Variants in HGF observed in about 807,000 individuals in gnomAD.
The protein encoded by HGF is hepatocyte growth factor.
Under a neutral mutation model 111.6 loss-of-function variants are expected in HGF, and 39 were observed. The ratio of observed to expected loss-of-function variants is 0.35; its 90% CI spans 0.27 to 0.46. The LOEUF is 0.46. Among genes scored for constraint, HGF ranks in the 20% least tolerant of loss-of-function variants. The pLI, the probability that HGF is intolerant of heterozygous loss-of-function variation, is 1.00. For missense variants in HGF, 735 were observed against 910.5 expected, an observed-to-expected ratio of 0.81 and a Z score of 2.48; for synonymous variants, 285 against 294.8, an observed-to-expected ratio of 0.97 and a Z score of 0.34.
rs1205959773 is a variant in HGF, at chr7:81,744,986, C to A, written c.746+14G>T. 2 of 1,613,264 alleles carry A rather than the reference C, an allele frequency of 1.2e-6. No individual in the cohort carries two copies. Among genetic ancestry groups the A allele is most frequent in the African/African-American group, 1.3e-5 (1 of 74,880 alleles). ...TAAAAGAATCACTGAAAGCATGATTCATTAATATTTTACCTTTCAGGCAAG... is the reference window on the plus strand; with the variant it reads ...TAAAAGAATCACTGAAAGCATGATTAATTAATATTTTACCTTTCAGGCAAG... On this transcript the variant is annotated intron_variant, in intron 6 of 17. Transcript: ENST00000222390.
intron 10 of HGF, among the ~76,000 whole-genome samples, chr7:81,717,969 A>G (rs1789758092): frequency 4.6e-5 from 7 of 152,152 alleles, no homozygotes; most frequent in Admixed American, 4.6e-4. Context: ...AGAAAAGCAA[A>G]GATTGTAAAT....
In HGF at chr7:81,762,842, T is replaced by C; in HGVS notation, c.119A>G (p.His40Arg). 6.3e-7 allele frequency: 1 copy of C among 1,583,842 alleles called. No homozygotes were observed. Among genetic ancestry groups the C allele is most frequent in the South Asian group, 1.1e-5 (1 of 90,392 alleles). Reference protein sequence around the residue: ...EGQRKRRNTIHEFKKSAKTTL... With the variant: ...EGQRKRRNTIREFKKSAKTTL... ...AGTCTTTGCTGATTTTTTGAATTCA[T>C]GAATTGTATTTCTTCTTTTCCTTTG... Residue 40 changes from histidine (H) to arginine (R), a missense_variant, in exon 2 of 18, where the codon CAT becomes CGT. This residue lies in a region of HGF where 553 missense variants were observed against 685.6 expected (regional missense o/e 0.81). Transcript: ENST00000222390.
intron 7 of HGF, among the ~76,000 whole-genome samples, chr7:81,742,380 C>T (rs556752423): frequency 1.5e-3 from 226 of 152,282 alleles, no homozygotes; most frequent in Middle Eastern, 0.014. Flanking sequence ...GAAAATCAAT[C>T]CATGCCCTCT....
At chr7:81,746,843 C>T (rs1319750502) in intron 5 of HGF, among the ~76,000 whole-genome samples, 1 of 152,092 alleles carries the variant, frequency 6.6e-6, no homozygotes, top group Non-Finnish European at 1.5e-5. Context: ...CATAAGATGA[C>T]CACTTTCCAT....
chr7:81,700,363 G>T lies in HGF; in HGVS notation c.*2218C>A, dbSNP rs568363721. 1 of 151,394 alleles carries T rather than the reference G, an allele frequency of 6.6e-6. No homozygotes were observed. Among genetic ancestry groups the T allele is most frequent in the African/African-American group, 2.4e-5 (1 of 41,324 alleles). The allele number at this position is 151,394 out of a possible 1,614,324, so 9.4% of individuals were successfully genotyped here. ...TCCCAAAGAGAGAATTACTTTGTAC[G>T]GTTTGTTTGATGATTTATTGGTGGT... On this transcript the variant is annotated 3_prime_UTR_variant, in exon 18 of 18. Coordinates refer to ENST00000222390, the MANE Select transcript of HGF (RefSeq NM_000601.6).
chr7:81,722,461 G>A (rs1401031100), intron 9 of HGF, among the ~76,000 whole-genome samples: 1 of 151,564 alleles, frequency 6.6e-6, no homozygotes, highest in African/African-American at 2.4e-5. Context: ...CACTGCGCCC[G>A]GCCATATTGT....
chr7:81,732,500 G>T (rs1258899576), intron 7 of HGF, among the ~76,000 whole-genome samples: 1 of 151,998 alleles, frequency 6.6e-6, no homozygotes, highest in Non-Finnish European at 1.5e-5. Flanking sequence ...TTAGTCAAGG[G>T]TGATTCGAAT....
At chr7:81,705,878 A>C in intron 15 of HGF, 125 bp from the exon 16 acceptor site, 1 of 673,094 alleles carries the variant, frequency 1.5e-6, no homozygotes, top group Non-Finnish European at 2.6e-6. Flanking sequence ...CTTAAAAAAA[A>C]AAAAAAAAAG....
chr7:81,712,491 A>G (rs1195711285), intron 11 of HGF, among the ~76,000 whole-genome samples: 1 of 152,180 alleles, frequency 6.6e-6, no homozygotes, highest in African/African-American at 2.4e-5. Flanking sequence ...GAAAAAAGAG[A>G]ACACTGAAAA....
chr7:81,768,536 C>T (rs1011076103), intron 1 of HGF, among the ~76,000 whole-genome samples: 2 of 152,182 alleles, frequency 1.3e-5, no homozygotes, highest in South Asian at 4.1e-4. Flanking sequence ...CCTGCCACCA[C>T]GCCTGGCTAA....
intron 17 of HGF, among the ~76,000 whole-genome samples, chr7:81,704,340 C>T (rs1324156382): frequency 6.6e-6 from 1 of 151,558 alleles, no homozygotes; most frequent in Non-Finnish European, 1.5e-5. Flanking sequence ...AAGGTTGGGT[C>T]TAGTTAGAAA....
Position 81,705,602 on chromosome 7 carries a change from T to C in HGF, c.1864+45A>G, listed in dbSNP as rs780359807. 7.5e-6 allele frequency: 12 copies of C among 1,600,616 alleles called. No homozygotes were observed. The South Asian group carries it at 1.2e-4, about 16-fold the overall frequency. On this transcript the variant is annotated intron_variant, in intron 16 of 17. Transcript: ENST00000222390. ...AGAAACAAAGACAAATGTGTTCTTT[T>C]TAAAATAAAATAAATATGGCCTCAT...
chr7:81,721,602 G>T (rs2115876318), intron 9 of HGF, among the ~76,000 whole-genome samples: 1 of 152,254 alleles, frequency 6.6e-6, no homozygotes, highest in South Asian at 2.1e-4. Flanking sequence ...ACCCAAGTCA[G>T]CTGTTTTACA....
chr7:81,751,917 G>A (rs1198780651), intron 5 of HGF: 44 of 1,393,030 alleles, frequency 3.2e-5, no homozygotes, highest in Non-Finnish European at 3.7e-5. Flanking sequence ...CTGATAACTC[G>A]CTCTGTTATT....
rs142906072 is a variant in HGF at position 81,717,377 on chromosome 7, A to G, written c.1272-12T>C. 4.3e-6 allele frequency: 7 copies of G among 1,612,176 alleles called. No homozygotes were observed. The East Asian group carries it at 6.7e-5, about 15-fold the overall frequency. On this transcript the variant is annotated splice_polypyrimidine_tract_variant and intron_variant, in intron 10 of 17. Transcript: ENST00000222390. Reference sequence around the variant, plus strand: ...CCCAGAAGATATGACTGTGGAAACAACAGGCCTTGCACATCACAAGATGCT... The same window carrying G: ...CCCAGAAGATATGACTGTGGAAACAGCAGGCCTTGCACATCACAAGATGCT...
chr7:81,766,677 T>A (rs1789373427), intron 1 of HGF, among the ~76,000 whole-genome samples: 1 of 152,128 alleles, frequency 6.6e-6, no homozygotes, highest in African/African-American at 2.4e-5. Flanking sequence ...CCTCCCTAGG[T>A]ATTTTCTTCC....
intron 5 of HGF, among the ~76,000 whole-genome samples, chr7:81,747,242 T>C (rs545949013): frequency 6.6e-6 from 1 of 151,958 alleles, no homozygotes; most frequent in East Asian, 1.9e-4. Flanking sequence ...GGGAGGCTGA[T>C]GCAGGAGAAT....
chr7:81,730,873 G>A (rs1421762395), intron 7 of HGF, among the ~76,000 whole-genome samples: 1 of 152,070 alleles, frequency 6.6e-6, no homozygotes, highest in East Asian at 1.9e-4. Context: ...GCAGCCTCTA[G>A]GACAGTTTAA....
intron 11 of HGF, among the ~76,000 whole-genome samples, chr7:81,716,886 T>C (rs1269845697): frequency 1.3e-5 from 2 of 152,122 alleles, no homozygotes; most frequent in Non-Finnish European, 2.9e-5. Context: ...ATTCAGAAGC[T>C]GAACAGGTAG....
Sources: allele counts gnomAD v4.1 joint callset (sites outside exome capture counted in the v4.1 genomes callset), GRCh38; gene constraint gnomAD v4.1.1; regional missense constraint gnomAD v4.1.1; transcripts MANE v1.5; gene names NCBI Gene and HGNC (gene_info 2026-07-23, HGNC 2026-07-21).